The following XKR6 variants were observed in gnomAD, a reference collection of about 807,000 sequenced individuals.
XKR6 encodes XK related 6, also known as XK-related protein 6.
XKR6 carries 22 observed loss-of-function variants against 56.7 expected under a neutral mutation model. That is an observed-to-expected ratio of 0.39 (90% confidence interval 0.28 to 0.55). XKR6 has a LOEUF of 0.55. Among genes scored for constraint, XKR6 ranks in the 20% least tolerant of loss-of-function variants. The probability of loss-of-function intolerance (pLI) is 0.66; values close to 1 mark genes in which losing one functional copy is unlikely to be tolerated. For missense variants in XKR6, 852 were observed against 889.0 expected (o/e 0.96, Z 0.53); for synonymous variants, 524 against 387.8 (o/e 1.35, Z -4.13).
At chr8:10,995,846 C>T (rs911583114) in intron 1 of XKR6, among the ~76,000 whole-genome samples, 2 of 152,196 alleles carry the variant, frequency 1.3e-5, no homozygotes, top group African/African-American at 4.8e-5. Flanking sequence ...TGTGAGAGGG[C>T]AATCCTTCCT....
chr8:11,075,376 T>G (rs557918030), intron 1 of XKR6, among the ~76,000 whole-genome samples: 1 of 152,236 alleles, frequency 6.6e-6, no homozygotes, highest in East Asian at 1.9e-4. Flanking sequence ...CCTTCCAGGG[T>G]TAGGGGTTGA....
At chr8:11,136,469 A>T (rs1277179507) in intron 1 of XKR6, among the ~76,000 whole-genome samples, 1 of 147,654 alleles carries the variant, frequency 6.8e-6, no homozygotes, top group Non-Finnish European at 1.5e-5. Flanking sequence ...GCGCCATTGC[A>T]CTCCAGCCCG....
intron 1 of XKR6, among the ~76,000 whole-genome samples, chr8:10,989,725 C>G (rs921375359): frequency 1.3e-5 from 2 of 152,214 alleles, no homozygotes; most frequent in Non-Finnish European, 2.9e-5. Flanking sequence ...TAGTGCCTAT[C>G]ACATAGCACT....
intron 1 of XKR6, among the ~76,000 whole-genome samples, chr8:11,076,552 C>T (rs1280495270): frequency 3.3e-5 from 5 of 152,152 alleles, no homozygotes; most frequent in South Asian, 2.1e-4. Flanking sequence ...GTGAGCTGTG[C>T]GACCTCAGCC....
intron 1 of XKR6, among the ~76,000 whole-genome samples, chr8:10,953,180 A>G (rs558604091): frequency 7.2e-5 from 11 of 152,332 alleles, no homozygotes; most frequent in Non-Finnish European, 1.3e-4. Context: ...ACTCATCCTG[A>G]AACCATCCTC....
At chr8:11,137,570 C>T (rs1484654483) in intron 1 of XKR6, 1 of 456,126 alleles carries the variant, frequency 2.2e-6, no homozygotes, top group Non-Finnish European at 4.4e-6. Flanking sequence ...AAGAAAAAGA[C>T]AGCAGGGAGA....
At chr8:11,110,793 C>A (rs748444519) in intron 1 of XKR6, among the ~76,000 whole-genome samples, 1 of 152,022 alleles carries the variant, frequency 6.6e-6, no homozygotes, top group Non-Finnish European at 1.5e-5. Flanking sequence ...TGAAAGTAGC[C>A]CACAGTTTTA....
chr8:11,119,369 A>C (rs974651608), intron 1 of XKR6, among the ~76,000 whole-genome samples: 1 of 152,012 alleles, frequency 6.6e-6, no homozygotes, highest in Non-Finnish European at 1.5e-5. Context: ...AGCCTTGTTA[A>C]CTTTCTGTCT....
chr8:11,103,282 T>C (rs956350373), intron 1 of XKR6, among the ~76,000 whole-genome samples: 3 of 152,152 alleles, frequency 2.0e-5, no homozygotes, highest in East Asian at 3.9e-4. Flanking sequence ...GCTGGTAGTG[T>C]GAAAAGCAAT....
intron 1 of XKR6, among the ~76,000 whole-genome samples, chr8:11,065,584 T>A (rs1407111698): frequency 6.6e-6 from 1 of 152,242 alleles, no homozygotes; most frequent in Non-Finnish European, 1.5e-5. Context: ...TAATACGTTT[T>A]TTTTTTTATC....
intron 1 of XKR6, among the ~76,000 whole-genome samples, chr8:11,145,770 A>C (rs1662281032): frequency 6.6e-6 from 1 of 152,196 alleles, no homozygotes; most frequent in Non-Finnish European, 1.5e-5. Context: ...CATGATTTCA[A>C]TTCTTCCAAA....
At chr8:11,146,947 T>C (rs1801014969) in intron 1 of XKR6, among the ~76,000 whole-genome samples, 1 of 151,968 alleles carries the variant, frequency 6.6e-6, no homozygotes, top group Non-Finnish European at 1.5e-5. Context: ...CAGAGTAGAA[T>C]GGTAGTTGCC....
At chr8:11,088,106 G>T (rs1797952842) in intron 1 of XKR6, among the ~76,000 whole-genome samples, 1 of 152,200 alleles carries the variant, frequency 6.6e-6, no homozygotes, top group Non-Finnish European at 1.5e-5. Context: ...TTGAAAAAAT[G>T]CTAAGAAAAT....
chr8:11,122,292 G>A (rs1382493795), intron 1 of XKR6, among the ~76,000 whole-genome samples: 1 of 152,232 alleles, frequency 6.6e-6, no homozygotes, highest in African/African-American at 2.4e-5. Flanking sequence ...TAGGAAGGAG[G>A]CAAAGCTGAA....
In XKR6 at chr8:10,928,908, G is replaced by C. The variant is rs982608286; in HGVS notation, c.765-4078C>G. Among the ~76,000 whole-genome samples the C allele has an allele frequency of 2.6e-5, 4 of 152,194 alleles. No individual in the cohort carries two copies. In the East Asian group the frequency reaches 5.8e-4, roughly 22 times the overall value. On this transcript the variant is annotated intron_variant, in intron 1 of 2. Coordinates refer to ENST00000416569, the MANE Select transcript of XKR6 (RefSeq NM_173683.4). ...CAAAGTCGGTGTCACCTCCTGTCAC[G>C]CCATATCTGCCCTAAGAGCCTCGGA...
intron 1 of XKR6, among the ~76,000 whole-genome samples, chr8:11,091,057 G>A (rs866272111): frequency 6.6e-6 from 1 of 152,134 alleles, no homozygotes; most frequent in Non-Finnish European, 1.5e-5. Flanking sequence ...TTAGGTGAGA[G>A]GTAGGAAAGC....
At chr8:11,016,635 C>T (rs1377515793) in intron 1 of XKR6, among the ~76,000 whole-genome samples, 3 of 152,192 alleles carry the variant, frequency 2.0e-5, no homozygotes, top group East Asian at 3.9e-4. Context: ...GTTCCAAGGC[C>T]CCGCCTCCTC....
chr8:11,124,991 A>G (rs1799691753), intron 1 of XKR6, among the ~76,000 whole-genome samples: 1 of 150,086 alleles, frequency 6.7e-6, no homozygotes, highest in South Asian at 2.1e-4. Context: ...CGGGAGGCTG[A>G]GGCAGGAGAA....
chr8:11,029,028 C>T lies in XKR6; in HGVS notation c.765-104198G>A, dbSNP rs28709962. 3.7e-3 allele frequency among the ~76,000 whole-genome samples: 566 copies of T among 152,296 alleles called. 2 individuals carry two copies. The highest frequency in any genetic ancestry group is 0.013 in the African/African-American group (531 of 41,546). ...ACCTCATGCGCCTGGAAGTCACCCC[C>T]ACCCTGTGCCTGGTGCCTCACCTGT... On this transcript the variant is annotated intron_variant, in intron 1 of 2. Coordinates refer to ENST00000416569, the MANE Select transcript of XKR6 (RefSeq NM_173683.4).
Sources: gnomAD v4.1 joint callset for allele counts (sites outside exome capture counted in the v4.1 genomes callset) on GRCh38, gnomAD v4.1.1 for gene constraint, MANE v1.5 for transcripts, NCBI Gene and HGNC (gene_info 2026-07-23, HGNC 2026-07-21) for gene names.